Variants in NWD1 observed in about 807,000 individuals in gnomAD.
The protein encoded by NWD1 is NACHT domain- and WD repeat-containing protein 1.
NWD1 carries 129 observed loss-of-function variants against 135.1 expected under a neutral mutation model. The observed-to-expected ratio is 0.96, with a 90% CI of 0.83 to 1.11. NWD1 has a LOEUF of 1.11. Ranked by LOEUF, NWD1 falls within the 50% of genes least tolerant of loss-of-function variation. The pLI is 0.00. For synonymous variants in NWD1, 773 were observed against 786.0 expected (o/e 0.98, Z 0.28); for missense variants, 1,740 against 1,851.3 (o/e 0.94, Z 1.10).
chr19:16,727,610 G>GC (rs1967380836), intron 2 of NWD1: 1 of 152,806 alleles, frequency 6.5e-6, no homozygotes, highest in Admixed American at 6.5e-5. Context: ...GCGGGGTGAA[G>GC]CCGGCCCCCT....
In NWD1 at chr19:16,721,915, A is replaced by G. The variant is rs144954606; in HGVS notation, c.-105+1622A>G. Among the ~76,000 whole-genome samples the G allele has an allele frequency of 4.2e-3, 641 of 152,058 alleles. 8 individuals carry two copies. Among genetic ancestry groups the G allele is most frequent in the African/African-American group, 7.5e-3 (313 of 41,474 alleles). ...GGCTTGAGGCCAAGAGTTCAAGAAC[A>G]GCCTGAGCAACACAGTGAGACTCCC... On this transcript the variant is annotated intron_variant, in intron 1 of 18. Transcript: ENST00000524140.
intron 5 of NWD1, chr19:16,745,059 G>C (rs1469277546): frequency 2.0e-6 from 1 of 496,132 alleles, no homozygotes; most frequent in Admixed American, 2.3e-5. Context: ...GAGGTTTAAT[G>C]GACTCACAAT....
chr19:16,762,209 T>C (rs1568361349), intron 8 of NWD1, 71 bp downstream of exon 8: 2 of 1,444,068 alleles, frequency 1.4e-6, no homozygotes, highest in East Asian at 2.4e-5. Context: ...CCTCCTTCCT[T>C]CCCCTTTTTG....
intron 11 of NWD1, among the ~76,000 whole-genome samples, chr19:16,774,085 C>A (rs1369509120): frequency 6.6e-6 from 1 of 151,454 alleles, no homozygotes. Context: ...CACCGTCCTC[C>A]CACCCACCCA....
chr19:16,781,074 G>T (rs1033341933), intron 12 of NWD1, among the ~76,000 whole-genome samples: 1 of 152,140 alleles, frequency 6.6e-6, no homozygotes, highest in African/African-American at 2.4e-5. Context: ...CCTAAGTAAG[G>T]TTGTTTATTT....
chr19:16,744,492 G>T lies in NWD1; in HGVS notation c.270G>T (p.Leu90Phe), dbSNP rs1380694479. The change falls in exon 5 of 19, where the codon TTG (leucine) becomes TTT (phenylalanine). Residue 90 changes from leucine to phenylalanine, a missense_variant. Transcript: ENST00000524140. ...TCGATGAGAAGGAGTGGGAGGTATT[G>T]AGGGACCATCTGACTGCCAGGCCAA... ...SRIDEKEWEV[L>F]RDHLTARPSD... 1 of 1,536,054 alleles carries T rather than the reference G, an allele frequency of 6.5e-7. No individual in the cohort carries two copies. The highest frequency in any genetic ancestry group is 2.0e-5 in the Admixed American group (1 of 50,984).
At position 16,749,409 on chromosome 19, in the gene NWD1, A is replaced by G. The variant is rs375965910; in HGVS notation, c.767A>G (p.Lys256Arg). ...CGCGACTTGGTGAACCCCAAGAACA[A>G]GACTCACGCCTGCTACCTGAAGGAG... ...WSRDLVNPKNKTHACYLKELG... is the reference protein window; with the variant it reads ...WSRDLVNPKNRTHACYLKELG... The change falls in exon 6 of 19, where the codon AAG (lysine) becomes AGG (arginine). Residue 256 changes from lysine (K) to arginine (R), a missense_variant. Coordinates refer to ENST00000524140, the MANE Select transcript of NWD1 (RefSeq NM_001007525.5). The G allele has an allele frequency of 5.6e-6, 9 of 1,613,810 alleles. No individual in the cohort carries two copies. Among genetic ancestry groups the G allele is most frequent in the African/African-American group, 1.3e-5 (1 of 74,908 alleles).
chr19:16,808,225 C>T (rs1448074269), intron 18 of NWD1, 89 bp downstream of exon 18: 6 of 1,249,506 alleles, frequency 4.8e-6, no homozygotes, highest in Non-Finnish European at 6.9e-6. Context: ...ACACCATGGG[C>T]CATCGACCAG....
At chr19:16,735,513 A>C (rs75425433) in intron 3 of NWD1, among the ~76,000 whole-genome samples, 1 of 139,892 alleles carries the variant, frequency 7.1e-6, no homozygotes, top group Non-Finnish European at 1.5e-5. Context: ...CCCCCTGACC[A>C]AAAAAAAAAA....
At chr19:16,792,308 AG>A (rs541564928) in intron 14 of NWD1, among the ~76,000 whole-genome samples, 20 of 151,728 alleles carry the variant, frequency 1.3e-4, no homozygotes, top group Admixed American at 1.1e-3. Flanking sequence ...TGGGAGGCTG[AG>A]GGGGGGTGGA....
rs965855384 is a variant in NWD1 at position 16,816,139 on chromosome 19, G to A, written c.*1100G>A. 6.6e-6 allele frequency: 1 copy of A among 152,184 alleles called. No homozygotes were observed. The allele number at this position is 152,184 out of a possible 1,614,324, so 9.4% of individuals were successfully genotyped here. ...TAGACACTTCCATGCACCTGGGTGA[G>A]CAGCAGGGAGAGACAGAGACTGGAC... On this transcript the variant is annotated 3_prime_UTR_variant, in exon 19 of 19. Coordinates refer to ENST00000524140, the MANE Select transcript of NWD1 (RefSeq NM_001007525.5).
rs776063380 is a variant in NWD1, at chr19:16,794,506, C to G, written c.3257C>G (p.Ala1086Gly). The G allele has an allele frequency of 6.2e-7, 1 of 1,611,846 alleles. No individual in the cohort carries two copies. Among genetic ancestry groups the G allele is most frequent in the African/African-American group, 1.3e-5 (1 of 74,932 alleles). ...AGATTGCTGGAGAAGCTTCCAGATG[C>G]TGTGAGGTTCCTGGTGGTCTCTGAA... The part of the protein sequence containing the change: ...GDRLLEKLPD[A>G]VRFLVVSEDE... The change falls in exon 15 of 19, where the codon GCT (alanine) becomes GGT (glycine). Residue 1086 changes from alanine (A) to glycine (G), a missense_variant. Transcript: ENST00000524140.
At chr19:16,741,366 G>GTGTTGTTTTGTTTTTGTGT (rs541467752) in intron 4 of NWD1, among the ~76,000 whole-genome samples, 3 of 135,390 alleles carry the variant, frequency 2.2e-5, no homozygotes, top group Non-Finnish European at 3.1e-5. Context: ...TTTTGTTTTT[G>GTGTTGTTTTGTTTTTGTGT]TGTTTTTTTT....
intron 4 of NWD1, among the ~76,000 whole-genome samples, chr19:16,742,429 G>C (rs1442499258): frequency 1.3e-5 from 2 of 151,908 alleles, no homozygotes; most frequent in Non-Finnish European, 2.9e-5. Flanking sequence ...ACTGTACTCA[G>C]AATGTGGCGC....
At chr19:16,740,194 G>A (rs1968023480) in intron 4 of NWD1, among the ~76,000 whole-genome samples, 1 of 151,894 alleles carries the variant, frequency 6.6e-6, no homozygotes, top group Non-Finnish European at 1.5e-5. Context: ...AGCTGCTCCG[G>A]AGGCTGAGAT....
At chr19:16,756,531 CTATT>C (rs749046207) in intron 6 of NWD1, among the ~76,000 whole-genome samples, 5 of 152,292 alleles carry the variant, frequency 3.3e-5, no homozygotes, top group East Asian at 1.9e-4. Context: ...TATCATCTGT[CTATT>C]TATCTTTATG....
intron 12 of NWD1, among the ~76,000 whole-genome samples, chr19:16,783,655 TAATA>T (rs539297320): frequency 1.4e-5 from 2 of 145,192 alleles, no homozygotes; most frequent in South Asian, 2.2e-4. Context: ...AATAATAAAA[TAATA>T]AATAAATAAA....
intron 12 of NWD1, among the ~76,000 whole-genome samples, chr19:16,786,018 C>T (rs1305028916): frequency 5.9e-5 from 9 of 151,952 alleles, no homozygotes; most frequent in African/African-American, 2.2e-4. Flanking sequence ...GCGCCTGCCA[C>T]CACACCCAGC....
chr19:16,749,021 C>A, intron 5 of NWD1, 118 bp from the exon 6 acceptor site: 1 of 748,552 alleles, frequency 1.3e-6, no homozygotes, highest in Non-Finnish European at 2.2e-6. Context: ...CTCTGGTGCA[C>A]GTTAATCTTG....
Sources: allele counts gnomAD v4.1 joint callset (sites outside exome capture counted in the v4.1 genomes callset), GRCh38; gene constraint gnomAD v4.1.1; transcripts MANE v1.5; gene names NCBI Gene and HGNC (gene_info 2026-07-23, HGNC 2026-07-21).